Variants in GALNT13 observed in about 807,000 individuals in gnomAD.
GALNT13 encodes UDP-GalNAc:polypeptide N-acetylgalactosaminyltransferase 13.
Under a neutral mutation model 64.2 loss-of-function variants are expected in GALNT13, and 28 were observed. The observed-to-expected ratio is 0.44, with a 90% CI of 0.32 to 0.60. The LOEUF (loss-of-function observed/expected upper bound fraction) is 0.60, where lower values mean the gene tolerates loss of function less well. Ranked by LOEUF, GALNT13 falls within the 20% of genes least tolerant of loss-of-function variation. GALNT13 has a pLI of 0.05. For synonymous variants in GALNT13, 214 were observed against 224.6 expected, an observed-to-expected ratio of 0.95 and a Z score of 0.42; for missense variants, 577 against 669.8, an observed-to-expected ratio of 0.86 and a Z score of 1.53.
chr2:154,439,827 C>G (rs1450565955), intron 12 of GALNT13, among the ~76,000 whole-genome samples: 1 of 152,072 alleles, frequency 6.6e-6, no homozygotes, highest in Non-Finnish European at 1.5e-5. Context: ...GATCTTAGGA[C>G]ACAAAATCAT....
At chr2:154,014,051 G>T (rs2105256692) in intron 3 of GALNT13, among the ~76,000 whole-genome samples, 1 of 152,306 alleles carries the variant, frequency 6.6e-6, no homozygotes, top group African/African-American at 2.4e-5. Context: ...CTGGCAGCAG[G>T]AGAGGCTGCT....
intron 3 of GALNT13, among the ~76,000 whole-genome samples, chr2:154,119,959 A>G (rs780448141): frequency 2.6e-4 from 40 of 152,078 alleles, no homozygotes; most frequent in Non-Finnish European, 4.6e-4. Context: ...TTGTAGCTTT[A>G]TTGTACATTT....
At chr2:154,171,971 TACACACACACACAC>T (rs57343446) in intron 4 of GALNT13, among the ~76,000 whole-genome samples, 10 of 144,218 alleles carry the variant, frequency 6.9e-5, no homozygotes, top group African/African-American at 2.0e-4. Flanking sequence ...TTCTTTCTCA[TACACACACACACAC>T]ACACACACAC....
chr2:154,036,459 C>A (rs2105318062), intron 3 of GALNT13, among the ~76,000 whole-genome samples: 1 of 152,172 alleles, frequency 6.6e-6, no homozygotes, highest in South Asian at 2.1e-4. Flanking sequence ...GTATCTGACT[C>A]CATTTCTAAA....
intron 11 of GALNT13, among the ~76,000 whole-genome samples, chr2:154,428,691 G>A (rs1700575394): frequency 6.6e-6 from 1 of 150,906 alleles, no homozygotes; most frequent in Non-Finnish European, 1.5e-5. Flanking sequence ...CCCACTTTAT[G>A]TCTTTGTGTC....
chr2:153,680,937 A>T, the GALNT13 span, among the ~76,000 whole-genome samples: 2 of 151,952 alleles, frequency 1.3e-5, no homozygotes, highest in Non-Finnish European at 2.9e-5. Context: ...TTTTTCAGGG[A>T]TAGCCTTAAG....
chr2:153,080,931 G>A, the GALNT13 span, among the ~76,000 whole-genome samples: 1 of 151,798 alleles, frequency 6.6e-6, no homozygotes, highest in African/African-American at 2.4e-5. Flanking sequence ...TAAACATTGT[G>A]ATCATTGCCT....
chr2:153,174,050 A>G, the GALNT13 span, among the ~76,000 whole-genome samples: 2 of 152,190 alleles, frequency 1.3e-5, no homozygotes, highest in African/African-American at 4.8e-5. Context: ...ATATTCCCAC[A>G]GGCTTGATGC....
the GALNT13 span, among the ~76,000 whole-genome samples, chr2:153,176,876 T>G: frequency 6.6e-6 from 1 of 152,132 alleles, no homozygotes; most frequent in Non-Finnish European, 1.5e-5. Flanking sequence ...ATAATATTTT[T>G]TAAATGATAA....
the GALNT13 span, among the ~76,000 whole-genome samples, chr2:153,807,528 A>G: frequency 6.6e-6 from 1 of 151,962 alleles, no homozygotes; most frequent in Non-Finnish European, 1.5e-5. Flanking sequence ...AAATATAAAG[A>G]CCAGTGATGA....
the GALNT13 span, among the ~76,000 whole-genome samples, chr2:153,646,815 A>G: frequency 2.6e-5 from 4 of 152,284 alleles, no homozygotes; most frequent in Non-Finnish European, 5.9e-5. Context: ...ATGGCTGCAT[A>G]GTATTCCATG....
the GALNT13 span, among the ~76,000 whole-genome samples, chr2:153,609,312 C>T: frequency 0.48 from 72,262 of 151,832 alleles, 18,416 homozygotes; most frequent in African/African-American, 0.66. Flanking sequence ...TGACAAAGGA[C>T]GTTTGTATCT....
the GALNT13 span, among the ~76,000 whole-genome samples, chr2:153,846,245 C>A: frequency 6.6e-6 from 1 of 152,054 alleles, no homozygotes; most frequent in East Asian, 1.9e-4. Context: ...AGCATTAATA[C>A]TAATTGTTTC....
the GALNT13 span, among the ~76,000 whole-genome samples, chr2:153,723,057 A>G: frequency 6.6e-6 from 1 of 151,540 alleles, no homozygotes; most frequent in Admixed American, 6.6e-5. Flanking sequence ...ATCCTCAATA[A>G]AATACTGGCA....
At chr2:154,209,849 A>G (rs1310876149) in intron 4 of GALNT13, among the ~76,000 whole-genome samples, 1 of 152,204 alleles carries the variant, frequency 6.6e-6, no homozygotes, top group Non-Finnish European at 1.5e-5. Context: ...ATTACTTGTC[A>G]TGTTTTGTGA....
the GALNT13 span, among the ~76,000 whole-genome samples, chr2:153,728,760 A>G: frequency 1.3e-5 from 2 of 152,180 alleles, no homozygotes; most frequent in Non-Finnish European, 2.9e-5. Flanking sequence ...ATAAAGAAGA[A>G]AAGAGAGAAG....
the GALNT13 span, among the ~76,000 whole-genome samples, chr2:153,260,112 C>G: frequency 6.6e-6 from 1 of 152,200 alleles, no homozygotes; most frequent in South Asian, 2.1e-4. Context: ...TTAGCTTTTT[C>G]CCTCCACTTT....
intron 4 of GALNT13, among the ~76,000 whole-genome samples, chr2:154,193,517 T>G (rs1686711442): frequency 6.6e-6 from 1 of 152,280 alleles, no homozygotes; most frequent in Admixed American, 6.5e-5. Context: ...AAGTTTTTAT[T>G]TCTCTGTAAC....
intron 3 of GALNT13, among the ~76,000 whole-genome samples, chr2:153,945,412 T>C (rs994584025): frequency 6.6e-6 from 1 of 152,134 alleles, no homozygotes; most frequent in African/African-American, 2.4e-5. Context: ...TTCTAAAATA[T>C]GTAAGAGTAC....
Sources: allele counts gnomAD v4.1 joint callset (sites outside exome capture counted in the v4.1 genomes callset), GRCh38; gene constraint gnomAD v4.1.1; transcripts MANE v1.5; gene names NCBI Gene and HGNC (gene_info 2026-07-23, HGNC 2026-07-21).